Variants in BRD10 observed in about 807,000 individuals in gnomAD.
BRD10 encodes bromodomain containing 10, also known as uncharacterized bromodomain-containing protein 10.
At chr9:5,894,935 C>G in the BRD10 span, among the ~76,000 whole-genome samples, 5 of 152,164 alleles carry the variant, frequency 3.3e-5, no homozygotes, top group Non-Finnish European at 7.4e-5. The surrounding 1 kb of genome is among the most constrained non-coding windows in gnomAD (Gnocchi z 4.0). Flanking sequence ...TGTGAAGGAA[C>G]CCCTTGACTG....
chr9:5,956,355 G>A, the BRD10 span, among the ~76,000 whole-genome samples: 1 of 152,122 alleles, frequency 6.6e-6, no homozygotes, highest in Non-Finnish European at 1.5e-5. Context: ...GAAATTGGAG[G>A]TAATGTTACA....
the BRD10 span, among the ~76,000 whole-genome samples, chr9:5,989,540 A>ATTTT: frequency 7.2e-6 from 1 of 137,942 alleles, no homozygotes; most frequent in Admixed American, 7.3e-5. Flanking sequence ...TAAAATGTAA[A>ATTTT]TTTTTTTTTT....
chr9:5,920,040 T>A, the BRD10 span: 1 of 1,613,512 alleles, frequency 6.2e-7, no homozygotes, highest in South Asian at 1.1e-5. Flanking sequence ...GTTGTGTTTA[T>A]GAGTTGTGGT....
chr9:5,955,695 A>G, the BRD10 span, among the ~76,000 whole-genome samples: 136,938 of 152,204 alleles, frequency 0.9, 62,555 homozygotes, highest in Non-Finnish European at 1. Flanking sequence ...ATTGACGGGT[A>G]TCATTTGACA....
the BRD10 span, among the ~76,000 whole-genome samples, chr9:5,899,473 G>A: frequency 6.6e-6 from 1 of 152,152 alleles, no homozygotes; most frequent in Non-Finnish European, 1.5e-5. Context: ...CACACCCACC[G>A]AGCATAGCCC....
chr9:5,971,929 C>A, the BRD10 span, among the ~76,000 whole-genome samples: 37 of 151,894 alleles, frequency 2.4e-4, no homozygotes, highest in African/African-American at 9.0e-4. Context: ...AAAAAAAAAT[C>A]TTAAGAATTT....
chr9:6,008,000 G>A, the BRD10 span: 21 of 1,265,376 alleles, frequency 1.7e-5, no homozygotes, highest in East Asian at 9.9e-5. Flanking sequence ...GAGGAGGGGG[G>A]AGAGAAGAGG....
At chr9:5,974,673 G>C in the BRD10 span, among the ~76,000 whole-genome samples, 1 of 152,214 alleles carries the variant, frequency 6.6e-6, no homozygotes, top group South Asian at 2.1e-4. Flanking sequence ...GTACCAATGA[G>C]TAGAGAGCTG....
At chr9:5,959,620 A>G in the BRD10 span, among the ~76,000 whole-genome samples, 2 of 152,202 alleles carry the variant, frequency 1.3e-5, no homozygotes, top group Non-Finnish European at 2.9e-5. Flanking sequence ...TTCAGCTGGT[A>G]TGCTAAAAGT....
the BRD10 span, among the ~76,000 whole-genome samples, chr9:5,960,991 C>A: frequency 4.0e-5 from 6 of 151,790 alleles, no homozygotes; most frequent in Non-Finnish European, 8.8e-5. Flanking sequence ...TTCAAAAATA[C>A]ATAGTCTTTG....
At chr9:5,924,717 C>A in the BRD10 span, 2 of 1,600,586 alleles carry the variant, frequency 1.2e-6, no homozygotes, top group East Asian at 2.2e-5. Flanking sequence ...TATAGACTTA[C>A]TGATTTCTCC....
chr9:5,968,713 C>G, the BRD10 span: 1 of 1,613,842 alleles, frequency 6.2e-7, no homozygotes, highest in Non-Finnish European at 8.5e-7. Context: ...CCAATTTAAT[C>G]CGAGGTACTC....
chr9:5,978,163 T>C, the BRD10 span, among the ~76,000 whole-genome samples: 2 of 152,210 alleles, frequency 1.3e-5, no homozygotes, highest in African/African-American at 2.4e-5. Flanking sequence ...TACTGGGCTG[T>C]GGCATGTTTG....
chr9:5,929,532 C>T, the BRD10 span, among the ~76,000 whole-genome samples: 42 of 152,170 alleles, frequency 2.8e-4, no homozygotes, highest in African/African-American at 9.9e-4. Flanking sequence ...CTGTAACTTT[C>T]CCAAAGACTG....
the BRD10 span, among the ~76,000 whole-genome samples, chr9:5,952,000 C>CTTATTTATTTATTTATTTAT: frequency 2.0e-4 from 25 of 128,002 alleles, 1 homozygote; most frequent in South Asian, 2.6e-4. Context: ...CAGGAAGAGA[C>CTTATTTATTTATTTATTTAT]TTATTTATTT....
the BRD10 span, among the ~76,000 whole-genome samples, chr9:5,899,596 A>G: frequency 9.2e-5 from 14 of 152,306 alleles, no homozygotes; most frequent in African/African-American, 3.4e-4. Context: ...TAGGGATAGA[A>G]TTCCTGCTCA....
chr9:6,005,174 C>T, the BRD10 span, among the ~76,000 whole-genome samples: 90 of 152,282 alleles, frequency 5.9e-4, 1 homozygote, highest in African/African-American at 2.0e-3. Flanking sequence ...TAGAAATTTA[C>T]CTTTATGTAG....
the BRD10 span, among the ~76,000 whole-genome samples, chr9:5,935,611 T>C: frequency 6.6e-6 from 1 of 152,246 alleles, no homozygotes; most frequent in Non-Finnish European, 1.5e-5. Flanking sequence ...AACAGATCCA[T>C]ATATGCTATC....
At chr9:5,943,294 T>C in the BRD10 span, among the ~76,000 whole-genome samples, 4 of 152,148 alleles carry the variant, frequency 2.6e-5, no homozygotes, top group African/African-American at 7.2e-5. Context: ...ATATATACCA[T>C]AAGTACATAA....
Sources: gnomAD v4.1 joint callset for allele counts (sites outside exome capture counted in the v4.1 genomes callset) on GRCh38, gnomAD v4.1.1 for gene constraint, Gnocchi (gnomAD v3.1) non-coding constraint, MANE v1.5 for transcripts, NCBI Gene and HGNC (gene_info 2026-07-23, HGNC 2026-07-21) for gene names.